Variants in CEP128 observed in about 807,000 individuals in gnomAD.
CEP128 encodes centrosomal protein 128kDa.
CEP128 carries 132 observed loss-of-function variants against 156.7 expected under a neutral mutation model. The observed-to-expected ratio is 0.84, with a 90% CI of 0.73 to 0.97. The LOEUF is 0.97. Ranked by LOEUF, CEP128 falls within the 50% of genes least tolerant of loss-of-function variation. CEP128 has a pLI of 0.00. For synonymous variants in CEP128, 469 were observed against 448.9 expected (o/e 1.04, Z -0.57); for missense variants, 1,252 against 1,281.9 (o/e 0.98, Z 0.36).
At chr14:80,897,712 A>C (rs1309430456) in intron 7 of CEP128, among the ~76,000 whole-genome samples, 2 of 152,134 alleles carry the variant, frequency 1.3e-5, no homozygotes, top group Non-Finnish European at 2.9e-5. Flanking sequence ...TCCTGCTATA[A>C]TCCTGGGTCA....
At chr14:80,915,192 T>C (rs1054487145) in intron 3 of CEP128, among the ~76,000 whole-genome samples, 57 of 152,250 alleles carry the variant, frequency 3.7e-4, no homozygotes, top group African/African-American at 1.3e-3. Flanking sequence ...TTTTTTTTTT[T>C]TCCTAATTTG....
rs140198343 is a variant in CEP128, at chr14:80,730,316, A to G, written c.2806+12759T>C. 2.0e-3 allele frequency among the ~76,000 whole-genome samples: 298 copies of G among 152,314 alleles called. 2 individuals are homozygous for G. Among genetic ancestry groups the G allele is most frequent in the African/African-American group, 7.0e-3 (290 of 41,586 alleles). ...TTCAAAGTATGCATTCTTACACCTT[A>G]GCTACATCTTCCCAACTGTAATTTA... On this transcript the variant is annotated intron_variant, in intron 19 of 24. Coordinates refer to ENST00000555265, the MANE Select transcript of CEP128 (RefSeq NM_152446.5).
chr14:80,590,416 T>C lies in CEP128; in HGVS notation c.2807-9993A>G, dbSNP rs377021220. The stretch of plus-strand genomic sequence containing the variant: ...ATTAGAATAATAATAAAATGCTCAT[T>C]AGAAACCACACAGGCCATTAAAAAA... On this transcript the variant is annotated intron_variant, in intron 19 of 24. Transcript: ENST00000555265. Among the ~76,000 whole-genome samples, 187 of 152,062 alleles carry C rather than the reference T, an allele frequency of 1.2e-3. 4 individuals carry two copies. The Middle Eastern group carries it at 0.027, about 22-fold the overall frequency.
chr14:80,847,342 T>G (rs557919031), intron 9 of CEP128, among the ~76,000 whole-genome samples: 1 of 152,140 alleles, frequency 6.6e-6, no homozygotes, highest in Non-Finnish European at 1.5e-5. Context: ...TCACCATCCA[T>G]TTTCTTTTTA....
intron 21 of CEP128, among the ~76,000 whole-genome samples, chr14:80,534,406 T>C (rs1203740083): frequency 6.6e-6 from 1 of 152,218 alleles, no homozygotes; most frequent in East Asian, 1.9e-4. Flanking sequence ...AGGACCTATG[T>C]CATGTTAATT....
At position 80,684,211 on chromosome 14, in the gene CEP128, G is replaced by A. The variant is rs191543251; in HGVS notation, c.2806+58864C>T. On this transcript the variant is annotated intron_variant, in intron 19 of 24. Coordinates refer to ENST00000555265, the MANE Select transcript of CEP128 (RefSeq NM_152446.5). ...TAGACCACTAACTAGATTAACAAAG[G>A]GGAAAAAAATAGAAGATGCAAATAA... Among the ~76,000 whole-genome samples, 299 of 151,960 alleles carry A rather than the reference G, an allele frequency of 2.0e-3. 1 individual carries two copies. The highest frequency in any genetic ancestry group is 6.6e-3 in the African/African-American group (274 of 41,484).
intron 2 of CEP128, among the ~76,000 whole-genome samples, chr14:80,957,034 A>G (rs1886731487): frequency 6.6e-6 from 1 of 152,176 alleles, no homozygotes; most frequent in African/African-American, 2.4e-5. Flanking sequence ...GACCTAGTCA[A>G]GTCTTTCCAA....
intron 18 of CEP128, among the ~76,000 whole-genome samples, chr14:80,755,105 G>A (rs893170195): frequency 1.3e-5 from 2 of 152,178 alleles, no homozygotes; most frequent in Non-Finnish European, 2.9e-5. Context: ...AGCTGCCAGT[G>A]TGGCTGAAAT....
chr14:80,953,681 G>A (rs113103558), intron 2 of CEP128, among the ~76,000 whole-genome samples: 4 of 152,244 alleles, frequency 2.6e-5, no homozygotes, highest in African/African-American at 9.6e-5. Context: ...CGATCACTAT[G>A]ATTCACCACA....
chr14:80,744,417 T>G (rs1898992171), intron 18 of CEP128, among the ~76,000 whole-genome samples: 3 of 152,132 alleles, frequency 2.0e-5, no homozygotes, highest in Admixed American at 1.3e-4. Flanking sequence ...TCATAACAGT[T>G]CTTCTGGAAT....
At chr14:80,576,624 C>CGTGT (rs753148123) in intron 20 of CEP128, among the ~76,000 whole-genome samples, 7,400 of 112,584 alleles carry the variant, frequency 0.066, 599 homozygotes, top group African/African-American at 0.24. Flanking sequence ...ATTACTCCGG[C>CGTGT]GTGTGTGTGT....
upstream of CEP128, among the ~76,000 whole-genome samples, chr14:80,944,107 A>T (rs902094238): frequency 2.0e-5 from 3 of 152,158 alleles, no homozygotes; most frequent in African/African-American, 7.2e-5. Flanking sequence ...AACAAAATAG[A>T]TTTTACATGA....
At chr14:80,836,430 T>C in intron 11 of CEP128, 93 bp from the exon 12 acceptor site, 1 of 1,382,182 alleles carries the variant, frequency 7.2e-7, no homozygotes, top group Non-Finnish European at 1.0e-6. Flanking sequence ...GAATCCAGGT[T>C]AATCTCCTTC....
chr14:80,545,920 G>A (rs921022037), intron 21 of CEP128, among the ~76,000 whole-genome samples: 2 of 152,172 alleles, frequency 1.3e-5, no homozygotes, highest in African/African-American at 2.4e-5. Flanking sequence ...CCTACCCCGG[G>A]TCAACTGAAT....
intron 19 of CEP128, among the ~76,000 whole-genome samples, chr14:80,678,074 A>ATGTG (rs1896163031): frequency 6.8e-6 from 1 of 147,944 alleles, no homozygotes; most frequent in African/African-American, 2.6e-5. Context: ...GTATATATAT[A>ATGTG]TATGCTCAAG....
chr14:80,844,078 C>T (rs1886477241), intron 9 of CEP128, among the ~76,000 whole-genome samples: 3 of 151,690 alleles, frequency 2.0e-5, no homozygotes, highest in Admixed American at 1.3e-4. Flanking sequence ...GAGATTCCTC[C>T]CCCATGAGAA....
intron 8 of CEP128, among the ~76,000 whole-genome samples, chr14:80,888,044 T>C (rs1327749707): frequency 6.6e-6 from 1 of 152,124 alleles, no homozygotes; most frequent in Non-Finnish European, 1.5e-5. Flanking sequence ...ATGGATAAAT[T>C]CCTGGACACA....
intron 22 of CEP128, among the ~76,000 whole-genome samples, chr14:80,529,684 C>T (rs1889138335): frequency 6.6e-6 from 1 of 152,154 alleles, no homozygotes; most frequent in Non-Finnish European, 1.5e-5. Context: ...ATATTGTCTC[C>T]TATCACACTG....
intron 18 of CEP128, among the ~76,000 whole-genome samples, chr14:80,754,459 CTTTTTTT>C (rs758603562): frequency 1.3e-4 from 14 of 104,808 alleles, no homozygotes; most frequent in African/African-American, 5.1e-4. Context: ...ATGTCCTGTT[CTTTTTTT>C]TTTTTTTTTT....
Sources: allele counts gnomAD v4.1 joint callset (sites outside exome capture counted in the v4.1 genomes callset), GRCh38; gene constraint gnomAD v4.1.1; transcripts MANE v1.5; gene names NCBI Gene and HGNC (gene_info 2026-07-23, HGNC 2026-07-21).